SP1: variants seen among roughly 807,000 people sequenced by gnomAD.
The protein encoded by SP1 is Sp1 transcription factor.
A neutral mutation model predicts 66.3 loss-of-function variants in SP1; 6 were observed. The ratio of observed to expected loss-of-function variants is 0.09; its 90% CI spans 0.05 to 0.18. The LOEUF (loss-of-function observed/expected upper bound fraction) is 0.18, where lower values mean the gene tolerates loss of function less well. Among genes scored for constraint, SP1 ranks in the 10% least tolerant of loss-of-function variants. The pLI is 1.00. For missense variants in SP1, 848 were observed against 964.5 expected (o/e 0.88, Z 1.60); for synonymous variants, 417 against 360.8 (o/e 1.16, Z -1.77).
chr12:53,390,905 C>T (rs564041243), intron 3 of SP1, among the ~76,000 whole-genome samples: 1 of 152,296 alleles, frequency 6.6e-6, no homozygotes, highest in African/African-American at 2.4e-5. Context: ...TGTTCTATCT[C>T]CCTTTCCCTT....
Position 53,416,351 on chromosome 12 carries a change from T to C in SP1, c.*5111T>C, listed in dbSNP as rs1284598779. 1 of 27,338 alleles carries C rather than the reference T, an allele frequency of 3.7e-5. No homozygotes were observed. Among genetic ancestry groups the C allele is most frequent in the South Asian group, 2.9e-3 (1 of 342 alleles). The allele number at this position is 27,338 out of a possible 1,614,324, so 1.7% of individuals were successfully genotyped here. A position where few individuals can be genotyped will look rare whatever the true frequency, so the allele number is the denominator to read the frequency against. On this transcript the variant is annotated 3_prime_UTR_variant, in exon 6 of 6. Coordinates refer to ENST00000327443, the MANE Select transcript of SP1 (RefSeq NM_138473.3). ...TTTTGTCTCTTGGTGTTTTGGGACT[T>C]TTTTTTTTTTTTTTTTGGCCTTTTG...
Position 53,382,525 on chromosome 12 carries a change from G to C in SP1, c.578G>C (p.Gly193Ala). Residue 193 changes from glycine to alanine, a missense_variant, in exon 3 of 6, where the codon GGG (glycine) becomes GCG (alanine). By Grantham distance (60) the Gly-to-Ala change is moderately conservative. Around this residue, in one of 7 missense-constraint regions of SP1, gnomAD observed 606 missense variants for 589.9 expected, o/e 1.03. Coordinates refer to ENST00000327443, the MANE Select transcript of SP1 (RefSeq NM_138473.3). ...CAACAGCTGCAGTTTGCTGCCACTG[G>C]GGCCCAAGTGCAGCAGGATGGTTCT... The part of the protein sequence containing the change: ...DGQQLQFAAT[G>A]AQVQQDGSGQ... 1 of 1,614,134 alleles carries C rather than the reference G, an allele frequency of 6.2e-7. No individual in the cohort carries two copies. The highest frequency in any genetic ancestry group is 8.5e-7 in the Non-Finnish European group (1 of 1,180,034).
chr12:53,405,648 C>T (rs766913989), intron 3 of SP1, among the ~76,000 whole-genome samples: 11 of 146,346 alleles, frequency 7.5e-5, no homozygotes, highest in Non-Finnish European at 1.0e-4. Context: ...CCAGAGCCAG[C>T]GAGACTCTGT....
chr12:53,407,318 GA>G (rs754868373), intron 4 of SP1, among the ~76,000 whole-genome samples: 31,439 of 143,164 alleles, frequency 0.22, 3,949 homozygotes, highest in East Asian at 0.45. Flanking sequence ...AAGAGAAAAT[GA>G]AAAAAAAAAA....
chr12:53,396,206 G>A (rs534900604), intron 3 of SP1, among the ~76,000 whole-genome samples: 95 of 151,876 alleles, frequency 6.3e-4, no homozygotes, highest in African/African-American at 2.2e-3. Context: ...GCGTGAACCC[G>A]GGAGGCAGAG....
At chr12:53,388,311 A>G (rs1423603559) in intron 3 of SP1, among the ~76,000 whole-genome samples, 2 of 152,158 alleles carry the variant, frequency 1.3e-5, no homozygotes, top group Non-Finnish European at 2.9e-5. Flanking sequence ...GGGTTTAGAG[A>G]ACAGTTATGA....
intron 3 of SP1, among the ~76,000 whole-genome samples, chr12:53,390,054 A>G (rs968103138): frequency 2.0e-5 from 3 of 152,154 alleles, no homozygotes; most frequent in African/African-American, 4.8e-5. Flanking sequence ...GATTGCTGAG[A>G]GCTAATTTGT....
At chr12:53,387,998 T>A (rs1050086335) in intron 3 of SP1, among the ~76,000 whole-genome samples, 2 of 151,404 alleles carry the variant, frequency 1.3e-5, no homozygotes, top group Non-Finnish European at 2.9e-5. Context: ...AAAAAAAAAA[T>A]GTATTCGAAA....
chr12:53,381,468 T>G (rs1476101275), intron 1 of SP1, 191 bp from the exon 2 acceptor site: 1 of 461,962 alleles, frequency 2.2e-6, no homozygotes, highest in Non-Finnish European at 3.8e-6. Context: ...GGCCCACTTT[T>G]GGCACATTGA....
In SP1 at chr12:53,381,757, T is replaced by G. The variant is rs1439595257; in HGVS notation, c.106T>G (p.Ser36Ala). 2.5e-6 allele frequency: 4 copies of G among 1,614,184 alleles called. No individual in the cohort carries two copies. The highest frequency in any genetic ancestry group is 3.4e-6 in the Non-Finnish European group (4 of 1,180,012). ...CAATGGTAATGGTGGTGGTGCCTTT[T>G]CACAGGCTCGAAGTAGCAGCACAGG... ...GGNGNGGGAF[S>A]QARSSSTGSS... Residue 36 changes from serine to alanine, a missense_variant, in exon 2 of 6, where the codon TCA (serine) becomes GCA (alanine). Ser to Ala is a moderately conservative substitution (Grantham distance 99). Coordinates refer to ENST00000327443, the MANE Select transcript of SP1 (RefSeq NM_138473.3).
At chr12:53,384,569 A>C (rs1025361330) in intron 3 of SP1, among the ~76,000 whole-genome samples, 25 of 152,288 alleles carry the variant, frequency 1.6e-4, no homozygotes, top group African/African-American at 5.8e-4. Flanking sequence ...TATAGGTGTG[A>C]GCCACTGCAC....
rs1711531894 is a variant in SP1, at chr12:53,383,415, G to A, written c.1468G>A (p.Val490Ile). The change falls in exon 3 of 6, where the codon GTT (valine) becomes ATT (isoleucine). Residue 490 changes from valine (V) to isoleucine (I), a missense_variant. Val to Ile is a conservative substitution (Grantham distance 29, BLOSUM62 3). Around this residue, in one of 7 missense-constraint regions of SP1, gnomAD observed 606 missense variants for 589.9 expected, o/e 1.03. Transcript: ENST00000327443. ...AATCACCTTAGCCCCAATGCAGGGT[G>A]TTTCCTTGGGGCAGACCAGCAGCAG... Reference protein sequence around the residue: ...QTITLAPMQGVSLGQTSSSNT... With the variant: ...QTITLAPMQGISLGQTSSSNT... The A allele has an allele frequency of 6.2e-7, 1 of 1,614,226 alleles. No homozygotes were observed. Among genetic ancestry groups the A allele is most frequent in the Non-Finnish European group, 8.5e-7 (1 of 1,180,030 alleles).
At chr12:53,381,994 T>C in intron 2 of SP1, 116 bp from the exon 3 acceptor site, 6 of 1,186,664 alleles carry the variant, frequency 5.1e-6, no homozygotes, top group South Asian at 1.5e-5. Flanking sequence ...GTCAGCTTTT[T>C]GTTTCTGTTT....
chr12:53,403,311 A>G (rs1438948443), intron 3 of SP1, among the ~76,000 whole-genome samples: 1 of 152,126 alleles, frequency 6.6e-6, no homozygotes, highest in Non-Finnish European at 1.5e-5. Context: ...TTTAAAATAG[A>G]TAAAACAAAG....
chr12:53,389,333 T>G (rs1232694268), intron 3 of SP1, among the ~76,000 whole-genome samples: 2 of 151,178 alleles, frequency 1.3e-5, no homozygotes, highest in African/African-American at 4.9e-5. Flanking sequence ...GCAATTCTCC[T>G]GCCTCAGCCT....
At chr12:53,401,777 T>G (rs879698229) in intron 3 of SP1, among the ~76,000 whole-genome samples, 1 of 152,118 alleles carries the variant, frequency 6.6e-6, no homozygotes, top group Non-Finnish European at 1.5e-5. Flanking sequence ...CAAGCAATTC[T>G]CCTGCCTCAG....
Position 53,411,226 on chromosome 12 carries a change from G to T in SP1, c.2344G>T (p.Gly782Cys). ...AGATCTGCAGTCCATTAATATCAGTGGCAATGGCTTCTGAGATCAGGCACC... is the reference window on the plus strand; with the variant it reads ...AGATCTGCAGTCCATTAATATCAGTTGCAATGGCTTCTGAGATCAGGCACC... ...VADLQSINIS[G>C]NGF Residue 782 changes from glycine to cysteine, a missense_variant, in exon 6 of 6, where the codon GGC becomes TGC. Transcript: ENST00000327443. The T allele has an allele frequency of 6.2e-7, 1 of 1,610,608 alleles. No individual in the cohort carries two copies. The highest frequency in any genetic ancestry group is 8.5e-7 in the Non-Finnish European group (1 of 1,178,186).
At chr12:53,409,786 G>T (rs1938836201) in intron 5 of SP1, among the ~76,000 whole-genome samples, 1 of 152,166 alleles carries the variant, frequency 6.6e-6, no homozygotes, top group Non-Finnish European at 1.5e-5. Flanking sequence ...GAGGCGGGCA[G>T]ATCACGAGGT....
chr12:53,410,563 G>C (rs1425874455), intron 5 of SP1, among the ~76,000 whole-genome samples: 1 of 151,556 alleles, frequency 6.6e-6, no homozygotes, highest in Non-Finnish European at 1.5e-5. Flanking sequence ...GGAGTGCAGT[G>C]GCGCGATCTC....
Sources: allele counts gnomAD v4.1 joint callset (sites outside exome capture counted in the v4.1 genomes callset), GRCh38; gene constraint gnomAD v4.1.1; regional missense constraint gnomAD v4.1.1; transcripts MANE v1.5; gene names NCBI Gene and HGNC (gene_info 2026-07-23, HGNC 2026-07-21).